Variants in TUSC3 observed in about 807,000 individuals in gnomAD.
TUSC3 encodes tumor suppressor candidate 3.
Under a neutral mutation model 44.8 loss-of-function variants are expected in TUSC3, and 45 were observed. The ratio of observed to expected loss-of-function variants is 1.00; its 90% CI spans 0.79 to 1.29. The LOEUF is 1.29. Ranked by LOEUF, TUSC3 falls within the 50% of genes most tolerant of loss-of-function variation. TUSC3 has a pLI of 0.00. For synonymous variants in TUSC3, 212 were observed against 152.9 expected (o/e 1.39, Z -2.85); for missense variants, 519 against 437.9 (o/e 1.19, Z -1.65).
At chr8:15,428,276 A>C (rs1799830708) in intron 1 of TUSC3, among the ~76,000 whole-genome samples, 1 of 151,784 alleles carries the variant, frequency 6.6e-6, no homozygotes, top group African/African-American at 2.4e-5. Context: ...AGCTTCATCG[A>C]TGTCCCTACA....
the TUSC3 span, chr8:15,806,865 A>T: frequency 2.3e-3 from 2,527 of 1,113,264 alleles, 17 homozygotes; most frequent in Non-Finnish European, 2.8e-3. Flanking sequence ...ATAGTTAATG[A>T]AATAATTATG....
intron 1 of TUSC3, among the ~76,000 whole-genome samples, chr8:15,565,079 C>T (rs545644101): frequency 3.3e-5 from 5 of 151,892 alleles, no homozygotes; most frequent in Non-Finnish European, 5.9e-5. Context: ...TCTTACAGTT[C>T]TGGAGGTGGG....
chr8:15,568,498 G>A (rs564090763), intron 1 of TUSC3, among the ~76,000 whole-genome samples: 31 of 152,060 alleles, frequency 2.0e-4, no homozygotes, highest in African/African-American at 7.5e-4. Context: ...ATTGAATTAG[G>A]CTTATGTCAT....
chr8:15,517,072 G>A (rs967745849), intron 2 of TUSC3, among the ~76,000 whole-genome samples: 1 of 152,176 alleles, frequency 6.6e-6, no homozygotes, highest in Non-Finnish European at 1.5e-5. Context: ...CATGACCGAC[G>A]TCACTAATCA....
At chr8:15,706,479 C>A (rs1809619747) in intron 6 of TUSC3, among the ~76,000 whole-genome samples, 1 of 151,952 alleles carries the variant, frequency 6.6e-6, no homozygotes, top group Admixed American at 6.6e-5. Flanking sequence ...AAACTTTTCA[C>A]ATGACTTTGC....
chr8:15,810,710 G>C, the TUSC3 span, among the ~76,000 whole-genome samples: 1 of 152,252 alleles, frequency 6.6e-6, no homozygotes, highest in African/African-American at 2.4e-5. Context: ...GACAAATTTT[G>C]AGACGGCTGC....
chr8:15,528,595 G>A (rs1016857347), intron 2 of TUSC3, among the ~76,000 whole-genome samples: 9 of 152,124 alleles, frequency 5.9e-5, no homozygotes, highest in Admixed American at 1.3e-4. Flanking sequence ...AATTATCTCT[G>A]CTTTTCACCT....
chr8:15,845,414 C>T, the TUSC3 span, among the ~76,000 whole-genome samples: 1 of 152,058 alleles, frequency 6.6e-6, no homozygotes, highest in African/African-American at 2.4e-5. Context: ...TATTAACATG[C>T]ATATGTGCAT....
At chr8:15,751,476 T>TTCTCACTCTCTCAACATGATTTTG (rs1811700978) in intron 9 of TUSC3, among the ~76,000 whole-genome samples, 2 of 152,252 alleles carry the variant, frequency 1.3e-5, no homozygotes, top group African/African-American at 4.8e-5. Context: ...ATACTACCGG[T>TTCTCACTCTCTCAACATGATTTTG]TCTCACTCTC....
At chr8:15,490,002 C>T (rs139506767) in intron 2 of TUSC3, among the ~76,000 whole-genome samples, 2 of 152,076 alleles carry the variant, frequency 1.3e-5, no homozygotes, top group Non-Finnish European at 2.9e-5. Context: ...AATTTATCTC[C>T]TTTTGTGTTG....
intron 1 of TUSC3, among the ~76,000 whole-genome samples, chr8:15,601,760 T>A (rs955287561): frequency 6.6e-6 from 1 of 151,628 alleles, no homozygotes; most frequent in Non-Finnish European, 1.5e-5. Context: ...ATGGTTCTAA[T>A]GTAATGAATG....
At chr8:15,786,507 T>C in the TUSC3 span, among the ~76,000 whole-genome samples, 6 of 152,170 alleles carry the variant, frequency 3.9e-5, no homozygotes, top group African/African-American at 1.4e-4. Context: ...TCAATAGCAA[T>C]CATTTCTTCT....
At chr8:15,732,307 C>T (rs921166053) in intron 7 of TUSC3, among the ~76,000 whole-genome samples, 6 of 152,032 alleles carry the variant, frequency 3.9e-5, no homozygotes, top group Non-Finnish European at 1.5e-5. Flanking sequence ...GGGTTTTTCC[C>T]ATGATGTTCT....
At chr8:15,829,830 G>A in the TUSC3 span, among the ~76,000 whole-genome samples, 1 of 152,010 alleles carries the variant, frequency 6.6e-6, no homozygotes, top group Non-Finnish European at 1.5e-5. Flanking sequence ...TGGGGAGGCT[G>A]GGTCTAATAG....
chr8:15,752,791 G>T (rs1056439579), intron 9 of TUSC3, among the ~76,000 whole-genome samples: 14 of 152,020 alleles, frequency 9.2e-5, no homozygotes, highest in African/African-American at 2.4e-4. Context: ...AATGTATAAT[G>T]ACCTCAATAA....
chr8:15,632,498 A>G (rs1345574511), intron 2 of TUSC3, among the ~76,000 whole-genome samples: 1 of 151,946 alleles, frequency 6.6e-6, no homozygotes, highest in Admixed American at 6.6e-5. Context: ...GTACAGGGAA[A>G]TTTTTTTTGC....
At chr8:15,483,786 G>T (rs1044628800) in intron 2 of TUSC3, among the ~76,000 whole-genome samples, 2 of 149,880 alleles carry the variant, frequency 1.3e-5, no homozygotes, top group African/African-American at 4.9e-5. Flanking sequence ...CTCCCGAGTA[G>T]CTGGGACTAC....
At chr8:15,454,216 G>T (rs1442861457) in intron 1 of TUSC3, among the ~76,000 whole-genome samples, 1 of 152,140 alleles carries the variant, frequency 6.6e-6, no homozygotes, top group Non-Finnish European at 1.5e-5. Flanking sequence ...CCACACACTT[G>T]ATCTCTCAAG....
Position 15,673,955 on chromosome 8 carries a change from C to G in TUSC3, c.798+119C>G, listed in dbSNP as rs1406763514. On this transcript the variant is annotated intron_variant, in intron 6 of 10. Coordinates refer to ENST00000503731, the MANE Select transcript of TUSC3 (RefSeq NM_006765.4). ...CTGTTTGTCAGTCAAAATATATATT[C>G]TTTCTCATTTACTACCTGTGTCACC... 5 of 836,804 alleles carry G rather than the reference C, an allele frequency of 6.0e-6. No individual in the cohort carries two copies. In the African/African-American group the frequency reaches 8.5e-5, roughly 14 times the overall value. 51.8% of individuals were successfully genotyped at this position (836,804 alleles called of 1,614,324 possible). A position where few individuals can be genotyped will look rare whatever the true frequency, so the allele number is the denominator to read the frequency against.
Sources: gnomAD v4.1 joint callset for allele counts (sites outside exome capture counted in the v4.1 genomes callset) on GRCh38, gnomAD v4.1.1 for gene constraint, MANE v1.5 for transcripts, NCBI Gene and HGNC (gene_info 2026-07-23, HGNC 2026-07-21) for gene names.